The following PDE10A variants were observed in gnomAD, a reference collection of about 807,000 sequenced individuals.
The protein encoded by PDE10A is phosphodiesterase 10A.
PDE10A carries 39 observed loss-of-function variants against 97.7 expected under a neutral mutation model. The ratio of observed to expected loss-of-function variants is 0.40; its 90% confidence interval spans 0.31 to 0.52. The LOEUF (loss-of-function observed/expected upper bound fraction) is 0.52, where lower values mean the gene tolerates loss of function less well. Ranked by LOEUF, PDE10A falls within the 20% of genes least tolerant of loss-of-function variation. PDE10A has a pLI of 0.56. For missense variants in PDE10A, 731 were observed against 1,047.8 expected (o/e 0.70, Z 4.17); for synonymous variants, 371 against 376.8 (o/e 0.98, Z 0.18).
At chr6:165,883,373 T>A (rs1781539971) in intron 1 of PDE10A, among the ~76,000 whole-genome samples, 1 of 151,782 alleles carries the variant, frequency 6.6e-6, no homozygotes, top group Non-Finnish European at 1.5e-5. Context: ...CAAAACCTTG[T>A]CTCTACCAAG....
intron 3 of PDE10A, among the ~76,000 whole-genome samples, chr6:165,474,810 TG>T (rs1779204260): frequency 6.6e-6 from 1 of 152,182 alleles, no homozygotes; most frequent in African/African-American, 2.4e-5. Flanking sequence ...CAGAGAAGTA[TG>T]GCTTCAACCA....
chr6:165,950,074 G>T (rs978179467), intron 1 of PDE10A, among the ~76,000 whole-genome samples: 1 of 152,138 alleles, frequency 6.6e-6, no homozygotes, highest in Non-Finnish European at 1.5e-5. Flanking sequence ...GCTTTGTCCT[G>T]ATTAAGCTGA....
intron 3 of PDE10A, among the ~76,000 whole-genome samples, chr6:165,454,008 G>T (rs1250870787): frequency 6.6e-6 from 1 of 152,230 alleles, no homozygotes; most frequent in African/African-American, 2.4e-5. Flanking sequence ...CCCAACTCCA[G>T]TGTGCCCAGA....
intron 1 of PDE10A, among the ~76,000 whole-genome samples, chr6:165,632,889 G>A (rs183003305): frequency 1.4e-4 from 21 of 152,168 alleles, no homozygotes; most frequent in Non-Finnish European, 2.5e-4. Context: ...CAAGAATTAC[G>A]CAGATTTGCC....
chr6:165,980,785 G>A (rs1170213040), intron 1 of PDE10A, among the ~76,000 whole-genome samples: 1 of 152,108 alleles, frequency 6.6e-6, no homozygotes, highest in Non-Finnish European at 1.5e-5. Flanking sequence ...TATGATACAT[G>A]CAATATATAA....
Position 165,433,136 on chromosome 6 carries a change from AACAAAAAG to A in PDE10A, c.1336-15_1336-8del, listed in dbSNP as rs766963289. 3.4e-5 allele frequency: 54 copies of A among 1,601,850 alleles called. No individual in the cohort carries two copies. Among genetic ancestry groups the A allele is most frequent in the Non-Finnish European group, 4.3e-5 (50 of 1,172,684 alleles). On this transcript the variant is annotated splice_region_variant and splice_polypyrimidine_tract_variant and intron_variant, in intron 6 of 21. Coordinates refer to ENST00000539869, the MANE Select transcript of PDE10A (RefSeq NM_001385079.1). Reference sequence around the variant, plus strand: ...CTCTTGGAAATCGTTCATCCTGAAAAACAAAAAGACAAAAAGACATAAATTCAGTGAAA... The same window carrying A: ...CTCTTGGAAATCGTTCATCCTGAAAAACAAAAAGACATAAATTCAGTGAAA...
At chr6:165,631,183 T>C (rs1412861379) in intron 1 of PDE10A, among the ~76,000 whole-genome samples, 3 of 152,234 alleles carry the variant, frequency 2.0e-5, no homozygotes, top group African/African-American at 7.2e-5. Context: ...TTCAATTTCA[T>C]ATGTTATTAA....
intron 1 of PDE10A, among the ~76,000 whole-genome samples, chr6:165,612,507 T>C (rs1787542976): frequency 6.6e-6 from 1 of 152,138 alleles, no homozygotes; most frequent in Non-Finnish European, 1.5e-5. Context: ...TAGCTGGGAT[T>C]ACAAGCGCCC....
chr6:165,663,919 C>T (rs772459342), upstream of PDE10A, among the ~76,000 whole-genome samples: 4 of 152,196 alleles, frequency 2.6e-5, no homozygotes, highest in East Asian at 7.8e-4. Context: ...CCAATGGGCG[C>T]TCAGAACTAG....
chr6:165,791,523 G>A (rs1194961948), intron 1 of PDE10A, among the ~76,000 whole-genome samples: 1 of 152,094 alleles, frequency 6.6e-6, no homozygotes, highest in Admixed American at 6.5e-5. Flanking sequence ...CATGGTAAAT[G>A]CCCCTGTGTT....
chr6:165,373,814 A>G (rs1188270692), intron 18 of PDE10A, among the ~76,000 whole-genome samples: 1 of 151,922 alleles, frequency 6.6e-6, no homozygotes, highest in Non-Finnish European at 1.5e-5. Flanking sequence ...CACTATAGCA[A>G]AGACTTGGAA....
chr6:165,916,038 T>C (rs1406983838), intron 1 of PDE10A, among the ~76,000 whole-genome samples: 2 of 152,234 alleles, frequency 1.3e-5, no homozygotes, highest in Admixed American at 1.3e-4. Flanking sequence ...CACTCTAAAT[T>C]TGGATGTAAA....
At chr6:165,510,658 G>A (rs1397451922) in intron 2 of PDE10A, among the ~76,000 whole-genome samples, 3 of 151,946 alleles carry the variant, frequency 2.0e-5, no homozygotes, top group Admixed American at 6.6e-5. Flanking sequence ...TGGGTCCTGA[G>A]CTTTTCTTTA....
At chr6:165,827,802 C>T (rs928412580) in intron 1 of PDE10A, among the ~76,000 whole-genome samples, 3 of 152,184 alleles carry the variant, frequency 2.0e-5, no homozygotes, top group Non-Finnish European at 4.4e-5. Context: ...TATCCCTTGT[C>T]CCCCTCCCGC....
chr6:165,722,300 A>G (rs779799226), intron 1 of PDE10A, among the ~76,000 whole-genome samples: 79 of 152,240 alleles, frequency 5.2e-4, no homozygotes, highest in Non-Finnish European at 7.3e-4. Context: ...CCGTGTGTTT[A>G]TAATGACAGC....
rs764786971 is a variant in PDE10A at position 165,701,220 on chromosome 6, G to A, written c.-614-157652C>T. On this transcript the variant is annotated intron_variant, in intron 1 of 19. Transcript: ENST00000366882. ...AATTCCTGGGTAAATAGGAAAGCCT[G>A]CCGAAGAGTGACCTGTCCAGGCGAC... Among the ~76,000 whole-genome samples, 24 of 152,354 alleles carry A rather than the reference G, an allele frequency of 1.6e-4. 1 individual carries two copies. Among genetic ancestry groups the A allele is most frequent in the Non-Finnish European group, 3.1e-4 (21 of 68,038 alleles).
chr6:165,764,602 C>T (rs1445283927), intron 1 of PDE10A, among the ~76,000 whole-genome samples: 3 of 152,074 alleles, frequency 2.0e-5, no homozygotes, highest in African/African-American at 4.8e-5. Context: ...AGTGAAGCTG[C>T]AGACCTTCGC....
At chr6:165,413,037 G>C (rs220750) in intron 13 of PDE10A, among the ~76,000 whole-genome samples, 5 of 151,724 alleles carry the variant, frequency 3.3e-5, no homozygotes, top group African/African-American at 4.8e-5. Flanking sequence ...AGTTAACACC[G>C]AGAATGCATG....
intron 1 of PDE10A, among the ~76,000 whole-genome samples, chr6:165,803,473 A>G (rs1779036424): frequency 6.6e-6 from 1 of 152,180 alleles, no homozygotes; most frequent in African/African-American, 2.4e-5. Context: ...CACTGGTGGG[A>G]AAGAAAAAAC....
Sources: allele counts gnomAD v4.1 joint callset (sites outside exome capture counted in the v4.1 genomes callset), GRCh38; gene constraint gnomAD v4.1.1; transcripts MANE v1.5; gene names NCBI Gene and HGNC (gene_info 2026-07-23, HGNC 2026-07-21).